ZNF740: variants seen among roughly 807,000 people sequenced by gnomAD.
The protein encoded by ZNF740 is oriLyt TD-element-binding protein 7.
Under a neutral mutation model 24.8 loss-of-function variants are expected in ZNF740, and 14 were observed. That is an observed-to-expected ratio of 0.56 (90% CI 0.37 to 0.88). The LOEUF (loss-of-function observed/expected upper bound fraction) is 0.88, where lower values mean the gene tolerates loss of function less well. Ranked by LOEUF, ZNF740 falls within the 40% of genes least tolerant of loss-of-function variation. The probability of loss-of-function intolerance (pLI) is 0.00; values close to 1 mark genes in which losing one functional copy is unlikely to be tolerated. For synonymous variants in ZNF740, 69 were observed against 84.0 expected, an observed-to-expected ratio of 0.82 and a Z score of 0.98; for missense variants, 201 against 247.9, an observed-to-expected ratio of 0.81 and a Z score of 1.27.
rs1013638991 is a variant in ZNF740 at position 53,186,188 on chromosome 12, G to A, written c.373+111G>A. Reference sequence around the variant, plus strand: ...TTAATGGGTAAGTATTAGAAATGAAGGAAGAAGATAAGTCAATGAAGCAGA... The same window carrying A: ...TTAATGGGTAAGTATTAGAAATGAAAGAAGAAGATAAGTCAATGAAGCAGA... On this transcript the variant is annotated intron_variant, in intron 5 of 6. Transcript: ENST00000416904. 6 of 1,394,644 alleles carry A rather than the reference G, an allele frequency of 4.3e-6. No homozygotes were observed. The African/African-American group carries it at 8.6e-5, about 20-fold the overall frequency. The allele number at this position is 1,394,644 out of a possible 1,614,324, so 86.4% of individuals were successfully genotyped here.
intron 1 of ZNF740, 90 bp downstream of exon 1, chr12:53,180,927 GGGAGGGGAGGGGA>G: frequency 1.9e-6 from 2 of 1,049,796 alleles, no homozygotes; most frequent in Non-Finnish European, 1.2e-6. Context: ...CGCGGGAAGG[GGGAGGGGAGGGGA>G]GGAGGGGCGC....
At chr12:53,184,010 T>TGACA (rs1015114136) in intron 2 of ZNF740, among the ~76,000 whole-genome samples, 11 of 148,946 alleles carry the variant, frequency 7.4e-5, no homozygotes, top group African/African-American at 2.5e-4. Flanking sequence ...GGCGACAGAG[T>TGACA]GACACCCTGT....
At chr12:53,185,116 A>AT in intron 3 of ZNF740, 76 bp downstream of exon 3, 1 of 1,592,446 alleles carries the variant, frequency 6.3e-7, no homozygotes, top group Non-Finnish European at 8.6e-7. Context: ...CCAAGCTCTG[A>AT]TTCCTTGATG....
At position 53,193,176 on chromosome 12, in the gene ZNF740, C is replaced by T; in HGVS notation, c.*5586C>T. On this transcript the variant is annotated 3_prime_UTR_variant, in exon 7 of 7. Coordinates refer to ENST00000416904, the MANE Select transcript of ZNF740 (RefSeq NM_001004304.4). ...ATGCCCTCATGTCGCTCACAGCTGG[C>T]ATCGTCACACTCGCACAGATGCCCA... The T allele has an allele frequency of 3.1e-6, 5 of 1,613,636 alleles. No individual in the cohort carries two copies. Among genetic ancestry groups the T allele is most frequent in the Non-Finnish European group, 4.2e-6 (5 of 1,179,658 alleles).
At chr12:53,186,647 C>A in intron 6 of ZNF740, 138 bp downstream of exon 6, 1 of 612,952 alleles carries the variant, frequency 1.6e-6, no homozygotes, top group Non-Finnish European at 2.9e-6. Flanking sequence ...TGAAGTGCAT[C>A]TGTCTGGCCT....
At chr12:53,181,561 A>C (rs983129742) in intron 1 of ZNF740, 116 bp from the exon 2 acceptor site, 10 of 946,768 alleles carry the variant, frequency 1.1e-5, no homozygotes, top group Non-Finnish European at 1.3e-5. Context: ...TTCTTGACTC[A>C]TGTCCTCGTT....
intron 6 of ZNF740, among the ~76,000 whole-genome samples, chr12:53,187,085 C>A (rs1941838558): frequency 6.6e-6 from 1 of 152,246 alleles, no homozygotes; most frequent in Admixed American, 6.5e-5. Context: ...TGCACTCTTA[C>A]ACTGAATCTT....
chr12:53,184,780 T>C, intron 2 of ZNF740, 111 bp from the exon 3 acceptor site: 1 of 1,307,578 alleles, frequency 7.6e-7, no homozygotes, highest in Non-Finnish European at 1.1e-6. Flanking sequence ...GGACATTCCC[T>C]GGAGAGAAGC....
chr12:53,185,821 G>C, intron 4 of ZNF740, 133 bp from the exon 5 acceptor site: 1 of 1,246,292 alleles, frequency 8.0e-7, no homozygotes, highest in Admixed American at 2.6e-5. Flanking sequence ...ATGGAGTACA[G>C]GAGATGGCAG....
Position 53,191,757 on chromosome 12 carries a change from G to T in ZNF740, c.*4167G>T. 6.4e-7 allele frequency: 1 copy of T among 1,550,666 alleles called. No individual in the cohort carries two copies. The highest frequency in any genetic ancestry group is 1.1e-5 in the South Asian group (1 of 89,424). On this transcript the variant is annotated 3_prime_UTR_variant, in exon 7 of 7. Coordinates refer to ENST00000416904, the MANE Select transcript of ZNF740 (RefSeq NM_001004304.4). ...CTGATGGAAGTTAGCAGAGGGGTTG[G>T]TTACATGTGCCAGGGGCTGGGGGAA...
rs1941655387 is a variant in ZNF740, at chr12:53,181,811, C to T, written c.-173C>T. 5 of 786,514 alleles carry T rather than the reference C, an allele frequency of 6.4e-6. No homozygotes were observed. The highest frequency in any genetic ancestry group is 3.8e-5 in the South Asian group (2 of 53,068). The allele number at this position is 786,514 out of a possible 1,614,324, so 48.7% of individuals were successfully genotyped here. Reference sequence around the variant, plus strand: ...ATTCTTGGAACACCTATCTTTTCTTCGGAGGACACTAAGTTCTATTTGAAG... The same window carrying T: ...ATTCTTGGAACACCTATCTTTTCTTTGGAGGACACTAAGTTCTATTTGAAG... On this transcript the variant is annotated 5_prime_UTR_variant, in exon 2 of 7. Transcript: ENST00000416904.
In ZNF740 at chr12:53,185,448, C is replaced by A. The variant is rs779101795; in HGVS notation, c.221C>A (p.Ala74Asp). The change falls in exon 4 of 7, where the codon GCC becomes GAC. Residue 74 changes from alanine (A) to aspartate (D), a missense_variant. This residue lies in a region of ZNF740 where 117 missense variants were observed against 122.3 expected (regional missense o/e 0.96). Coordinates refer to ENST00000416904, the MANE Select transcript of ZNF740 (RefSeq NM_001004304.4). ...AAAGATGATGACAGCTTGTCTGAGG[C>A]CTCTCATTCAAAAAAGACTGTTAAA... is the stretch of plus-strand genomic sequence containing the variant. ...SRKDDDSLSE[A>D]SHSKKTVKKV... 1.1e-5 allele frequency: 17 copies of A among 1,613,814 alleles called. No homozygotes were observed. Among genetic ancestry groups the A allele is most frequent in the Non-Finnish European group, 1.4e-5 (16 of 1,179,878 alleles).
At chr12:53,182,880 A>C (rs934919881) in intron 2 of ZNF740, among the ~76,000 whole-genome samples, 1 of 152,168 alleles carries the variant, frequency 6.6e-6, no homozygotes, top group Non-Finnish European at 1.5e-5. Context: ...GTTATGTAGA[A>C]GGTCATTATT....
rs887537225 is a variant in ZNF740, at chr12:53,192,650, A to C, written c.*5060A>C. 10 of 1,602,950 alleles carry C rather than the reference A, an allele frequency of 6.2e-6. No homozygotes were observed. The Admixed American group carries it at 1.7e-4, about 27-fold the overall frequency. On this transcript the variant is annotated 3_prime_UTR_variant, in exon 7 of 7. Transcript: ENST00000416904. ...AGATGGGAGTAGCTCAACAAGCCCC[A>C]CTGTGCCCCTGCTCCCAAGATGCAA...
At chr12:53,181,311 G>A (rs1941619041) in intron 1 of ZNF740, 8 of 985,420 alleles carry the variant, frequency 8.1e-6, no homozygotes, top group Non-Finnish European at 9.6e-6. Context: ...GATGGCCCTT[G>A]AGCTTTCCTC....
intron 1 of ZNF740, 184 bp downstream of exon 1, chr12:53,181,021 G>A (rs1452552713): frequency 1.2e-6 from 1 of 839,186 alleles, no homozygotes; most frequent in Non-Finnish European, 1.5e-6. Flanking sequence ...CCCTGCCCGC[G>A]CGTCCCGCCG....
chr12:53,185,502 C>T, intron 4 of ZNF740, 26 bp downstream of exon 4: 1 of 1,604,304 alleles, frequency 6.2e-7, no homozygotes, highest in Non-Finnish European at 8.5e-7. Flanking sequence ...ATCCCCCAAA[C>T]TCATACAGTT....
At chr12:53,183,189 T>C (rs59681880) in intron 2 of ZNF740, among the ~76,000 whole-genome samples, 3,378 of 152,344 alleles carry the variant, frequency 0.022, 133 homozygotes, top group African/African-American at 0.076. Context: ...AATGCTGCCT[T>C]CCACTAAGGA....
rs1565700898 is a variant in ZNF740, at chr12:53,194,163, CT to C, written c.*6574del. On this transcript the variant is annotated 3_prime_UTR_variant, in exon 7 of 7. Coordinates refer to ENST00000416904, the MANE Select transcript of ZNF740 (RefSeq NM_001004304.4). ...CTTAATTTCCCACTCCCACCTCCCCCTGCCCGCCTTCTGCCTGTGCTTGCTG... is the reference window on the plus strand; with the variant it reads ...CTTAATTTCCCACTCCCACCTCCCCCGCCCGCCTTCTGCCTGTGCTTGCTG... The C allele has an allele frequency of 6.2e-7, 1 of 1,612,846 alleles. No individual in the cohort carries two copies. Among genetic ancestry groups the C allele is most frequent in the African/African-American group, 1.3e-5 (1 of 75,006 alleles).
Sources: allele counts gnomAD v4.1 joint callset (sites outside exome capture counted in the v4.1 genomes callset), GRCh38; gene constraint gnomAD v4.1.1; regional missense constraint gnomAD v4.1.1; transcripts MANE v1.5; gene names NCBI Gene and HGNC (gene_info 2026-07-23, HGNC 2026-07-21).